The following NFKBIA variants were observed in gnomAD, a reference collection of about 807,000 sequenced individuals.
NFKBIA encodes the protein NF-kappa-B inhibitor alpha.
A neutral mutation model predicts 36.3 loss-of-function variants in NFKBIA; 10 were observed. The ratio of observed to expected loss-of-function variants is 0.28; its 90% CI spans 0.17 to 0.47. The LOEUF (loss-of-function observed/expected upper bound fraction) is 0.47. Ranked by LOEUF, NFKBIA falls within the 20% of genes least tolerant of loss-of-function variation. NFKBIA has a pLI of 0.99. For missense variants in NFKBIA, 355 were observed against 399.3 expected (o/e 0.89, Z 0.94); for synonymous variants, 205 against 164.4 (o/e 1.25, Z -1.89).
In NFKBIA at chr14:35,403,260, G is replaced by C; in HGVS notation, c.437C>G (p.Thr146Ser). Residue 146 changes from threonine to serine, a missense_variant, in exon 3 of 6, where the codon ACC becomes AGC. Physicochemically the swap from Thr to Ser is moderately conservative, Grantham distance 58. Transcript: ENST00000216797. The stretch of plus-strand genomic sequence containing the variant: ...CTGCTCACAGGCAAGGTGTAGGGGG[G>C]TATTTCCTCGAAAGTCTCGGAGCTC... ...DPELRDFRGN[T>S]PLHLACEQGC... 3 of 1,613,624 alleles carry C rather than the reference G, an allele frequency of 1.9e-6. No individual in the cohort carries two copies. Among genetic ancestry groups the C allele is most frequent in the Non-Finnish European group, 2.5e-6 (3 of 1,180,020 alleles).
At chr14:35,403,948 C>T (rs2052758477) in intron 1 of NFKBIA, 150 bp from the exon 2 acceptor site, 1 of 685,794 alleles carries the variant, frequency 1.5e-6, no homozygotes, top group Non-Finnish European at 2.6e-6. Flanking sequence ...GCTGAGTGTT[C>T]CTGGCAGGCG....
Position 35,403,054 on chromosome 14 carries a change from A to G in NFKBIA, c.547+96T>C, listed in dbSNP as rs146325751. ...TCAACCTTCCAAATGTTAGGAGTTT[A>G]AGCTCTTGCCTGGACTCCTTAAGTT... On this transcript the variant is annotated intron_variant, in intron 3 of 5. Transcript: ENST00000216797. The G allele has an allele frequency of 6.3e-6, 9 of 1,421,116 alleles. No homozygotes were observed. In the African/African-American group the frequency reaches 9.9e-5, roughly 16 times the overall value. 88.0% of individuals were successfully genotyped at this position (1,421,116 alleles called of 1,614,324 possible).
At chr14:35,404,127 C>G in intron 1 of NFKBIA, 1 of 386,072 alleles carries the variant, frequency 2.6e-6, no homozygotes, top group Non-Finnish European at 4.7e-6. Context: ...CTTCGCGTCC[C>G]CGCTGCCGCC....
rs1404247513 is a variant in NFKBIA at position 35,403,316 on chromosome 14, A to T, written c.381T>A (p.Ala127=). 1.9e-6 allele frequency: 3 copies of T among 1,614,082 alleles called. No homozygotes were observed. Among genetic ancestry groups the T allele is most frequent in the Non-Finnish European group, 2.5e-6 (3 of 1,180,032 alleles). ...LAVITNQPEI[A]EALLGAGCDP... ...CACAGCCAGCTCCCAGAAGTGCCTCAGCAATTTCTGGCTGGTTGGTGATCA... is the reference window on the plus strand; with the variant it reads ...CACAGCCAGCTCCCAGAAGTGCCTCTGCAATTTCTGGCTGGTTGGTGATCA... Residue 127 remains alanine, a synonymous_variant, in exon 3 of 6, where the codon GCT becomes GCA. Transcript: ENST00000216797.
In NFKBIA at chr14:35,403,313, C is replaced by T. The variant is rs1389155386; in HGVS notation, c.384G>A (p.Glu128=). ...GATCACAGCCAGCTCCCAGAAGTGC[C>T]TCAGCAATTTCTGGCTGGTTGGTGA... ...AVITNQPEIA[E]ALLGAGCDPE... is the part of the protein sequence containing the mutation. Residue 128 remains glutamate, a synonymous_variant, in exon 3 of 6, where the codon GAG becomes GAA. Transcript: ENST00000216797. The T allele has an allele frequency of 5.0e-6, 8 of 1,614,074 alleles. No homozygotes were observed. The South Asian group carries it at 8.8e-5, about 18-fold the overall frequency.
chr14:35,403,118 G>C, intron 3 of NFKBIA, 32 bp downstream of exon 3: 1 of 1,597,430 alleles, frequency 6.3e-7, no homozygotes, highest in Non-Finnish European at 8.6e-7. Context: ...TGCCCTCCGA[G>C]GGGGTGGGGC....
chr14:35,403,520 C>T, intron 2 of NFKBIA, 160 bp from the exon 3 acceptor site: 1 of 907,078 alleles, frequency 1.1e-6, no homozygotes, highest in Non-Finnish European at 1.8e-6. Context: ...ATAAAGACCT[C>T]ACCAAATCAG....
At chr14:35,402,892 C>G (rs1247303941) in intron 3 of NFKBIA, 33 bp from the exon 4 acceptor site, 5 of 1,581,066 alleles carry the variant, frequency 3.2e-6, no homozygotes, top group Non-Finnish European at 4.3e-6. Context: ...GTATAACCAC[C>G]TGTTTCAACC....
At chr14:35,403,865 G>A (rs572735931) in intron 1 of NFKBIA, 67 bp from the exon 2 acceptor site, 2 of 1,192,058 alleles carry the variant, frequency 1.7e-6, no homozygotes, top group African/African-American at 3.0e-5. Flanking sequence ...GGGAGGCGCG[G>A]GCTGCGGGGG....
At chr14:35,404,058 C>T in intron 1 of NFKBIA, 1 of 499,328 alleles carries the variant, frequency 2.0e-6, no homozygotes, top group East Asian at 3.8e-5. Context: ...CTTCCCCTCC[C>T]GGCTGCTCGG....
chr14:35,404,128 C>T, intron 1 of NFKBIA: 3 of 384,584 alleles, frequency 7.8e-6, no homozygotes, highest in South Asian at 5.1e-5. Context: ...TTCGCGTCCC[C>T]GCTGCCGCCC....
Position 35,402,031 on chromosome 14 carries a change from G to A in NFKBIA, c.936C>T (p.Gly312=), listed in dbSNP as rs1250939805. The part of the protein sequence containing the change: ...ELPYDDCVFG[G]QRLTL ...TTTGCGCTCATAACGTCAGACGCTG[G>A]CCTCCAAACACACAGTCATCATAGG... The change falls in exon 6 of 6, where the codon GGC becomes GGT. Residue 312 remains glycine, a synonymous_variant. Coordinates refer to ENST00000216797, the MANE Select transcript of NFKBIA (RefSeq NM_020529.3). The A allele has an allele frequency of 1.2e-6, 2 of 1,613,838 alleles. No individual in the cohort carries two copies. The highest frequency in any genetic ancestry group is 1.7e-5 in the Admixed American group (1 of 59,982).
At chr14:35,402,880 A>T (rs368198427) in intron 3 of NFKBIA, 21 bp from the exon 4 acceptor site, 29 of 1,606,420 alleles carry the variant, frequency 1.8e-5, no homozygotes, top group Non-Finnish European at 2.2e-5. Flanking sequence ...AAAAGGAAAA[A>T]AGTATAACCA....
chr14:35,403,213 C>T lies in NFKBIA; in HGVS notation c.484G>A (p.Val162Ile), dbSNP rs2138831857. Reference sequence around the variant, plus strand: ...GGGGTGGTGCAGGACTGAGTCAGGACTCCCACGCTGGCCAGGCAGCCCTGC... The same window carrying T: ...GGGGTGGTGCAGGACTGAGTCAGGATTCCCACGCTGGCCAGGCAGCCCTGC... ...CEQGCLASVGVLTQSCTTPHL... is the reference protein window; with the variant it reads ...CEQGCLASVGILTQSCTTPHL... The change falls in exon 3 of 6, where the codon GTC (valine) becomes ATC (isoleucine). Residue 162 changes from valine (V) to isoleucine (I), a missense_variant. By Grantham distance (29) the Val-to-Ile change is conservative. Coordinates refer to ENST00000216797, the MANE Select transcript of NFKBIA (RefSeq NM_020529.3). 1 of 1,612,608 alleles carries T rather than the reference C, an allele frequency of 6.2e-7. No individual in the cohort carries two copies. Among genetic ancestry groups the T allele is most frequent in the Non-Finnish European group, 8.5e-7 (1 of 1,180,004 alleles).
At position 35,404,723 on chromosome 14, in the gene NFKBIA, G is replaced by T. The variant is rs1043899744; in HGVS notation, c.-79C>A. On this transcript the variant is annotated 5_prime_UTR_variant, in exon 1 of 6. Transcript: ENST00000216797. ...GCTGCTTCCTCGCTGGGGCGCTGGC[G>T]GGCGGGACGGCGGCACGGACTGCTG... 1.6e-5 allele frequency: 17 copies of T among 1,049,252 alleles called. No homozygotes were observed. The African/African-American group carries it at 2.5e-4, about 16-fold the overall frequency. The allele number at this position is 1,049,252 out of a possible 1,614,324, so 65.0% of individuals were successfully genotyped here.
At chr14:35,402,241 G>GGGT (rs2052735766) in intron 5 of NFKBIA, among the ~76,000 whole-genome samples, 153 bp downstream of exon 5, 2 of 29,026 alleles carry the variant, frequency 6.9e-5, no homozygotes, top group Non-Finnish European at 1.7e-4. Context: ...AAAGAGGGGG[G>GGGT]GCAGGTACAT....
At chr14:35,402,235 A>AGTAAGCTATTAAAAAAAGC (rs70937092) in intron 5 of NFKBIA, among the ~76,000 whole-genome samples, 159 bp downstream of exon 5, 19 of 148,832 alleles carry the variant, frequency 1.3e-4, no homozygotes, top group Non-Finnish European at 2.4e-4. Context: ...TTAAAAAAAG[A>AGTAAGCTATTAAAAAAAGC]GGGGGGGCAG....
chr14:35,403,024 T>C (rs2052745122), intron 3 of NFKBIA, 126 bp downstream of exon 3: 5 of 1,309,218 alleles, frequency 3.8e-6, no homozygotes, highest in Non-Finnish European at 5.4e-6. Context: ...TGCACACATA[T>C]TTTCTCAACC....
chr14:35,404,326 C>G, intron 1 of NFKBIA, 92 bp downstream of exon 1: 1 of 944,760 alleles, frequency 1.1e-6, no homozygotes. Flanking sequence ...GCTGGTCCCC[C>G]GGCTCGGGCT....
Sources: allele counts gnomAD v4.1 joint callset (sites outside exome capture counted in the v4.1 genomes callset), GRCh38; gene constraint gnomAD v4.1.1; transcripts MANE v1.5; gene names NCBI Gene and HGNC (gene_info 2026-07-23, HGNC 2026-07-21).